MMP24: variants seen among roughly 807,000 people sequenced by gnomAD.
MMP24 encodes the protein matrix metalloproteinase-24.
In MMP24, 25 loss-of-function variants were observed where a neutral mutation model predicts 62.8. The ratio of observed to expected loss-of-function variants is 0.40; its 90% CI spans 0.29 to 0.56. The LOEUF (loss-of-function observed/expected upper bound fraction) is 0.56. Ranked by LOEUF, MMP24 falls within the 20% of genes least tolerant of loss-of-function variation. The pLI, the probability that MMP24 is intolerant of heterozygous loss-of-function variation, is 0.50. For synonymous variants in MMP24, 319 were observed against 350.5 expected, an observed-to-expected ratio of 0.91 and a Z score of 1.00; for missense variants, 634 against 853.6, an observed-to-expected ratio of 0.74 and a Z score of 3.21.
chr20:35,261,233 A>G (rs2060601065), intron 4 of MMP24, among the ~76,000 whole-genome samples: 2 of 152,144 alleles, frequency 1.3e-5, no homozygotes, highest in Admixed American at 6.5e-5. Context: ...AGCCCAGGGG[A>G]GTTGGCTTTC....
chr20:35,274,791 T>C lies in MMP24; in HGVS notation c.*182T>C, dbSNP rs1275482284. Reference sequence around the variant, plus strand: ...GTGGGGCAGGGAATTATGGGGGCTGTGCCCCAGGGTGGGTGTCTGGCACCC... The same window carrying C: ...GTGGGGCAGGGAATTATGGGGGCTGCGCCCCAGGGTGGGTGTCTGGCACCC... On this transcript the variant is annotated 3_prime_UTR_variant, in exon 9 of 9. Coordinates refer to ENST00000246186, the MANE Select transcript of MMP24 (RefSeq NM_006690.4). The surrounding 1 kb of genome is among the most constrained non-coding windows in gnomAD (Gnocchi z 5.1). The C allele has an allele frequency of 1.6e-6, 1 of 622,644 alleles. No individual in the cohort carries two copies. Among genetic ancestry groups the C allele is most frequent in the Non-Finnish European group, 2.8e-6 (1 of 361,468 alleles). 38.6% of individuals were successfully genotyped at this position (622,644 alleles called of 1,614,324 possible). A position where few individuals can be genotyped will look rare whatever the true frequency, so the allele number is the denominator to read the frequency against.
chr20:35,251,295 T>C (rs1249068260), intron 2 of MMP24, among the ~76,000 whole-genome samples: 4 of 151,976 alleles, frequency 2.6e-5, no homozygotes, highest in Non-Finnish European at 5.9e-5. Context: ...ATTTTTTTTT[T>C]TGTATTTTTA....
rs57309455 is a variant in MMP24 at position 35,264,707 on chromosome 20, C to CAAAAAA, written c.979+781_979+786dup. ...TGGGCAACAGGGCGAGACTCCGTCT[C>CAAAAAA]AAAAAAAAAAAAAAAAAAAAAAAAA... On this transcript the variant is annotated intron_variant, in intron 5 of 8. Transcript: ENST00000246186. Among the ~76,000 whole-genome samples the CAAAAAA allele has an allele frequency of 2.1e-3, 93 of 43,520 alleles. 1 individual carries two copies. The highest frequency in any genetic ancestry group is 3.1e-3 in the Non-Finnish European group (68 of 22,146). The allele number at this position is 43,520 out of a possible 152,430, so 28.6% of individuals were successfully genotyped here.
At chr20:35,254,371 A>G (rs1267706883) in intron 3 of MMP24, 79 bp from the exon 4 acceptor site, 10 of 1,329,624 alleles carry the variant, frequency 7.5e-6, no homozygotes, top group Non-Finnish European at 9.4e-6. Flanking sequence ...ACTGAGCCAC[A>G]TTGTCTCAGG....
Position 35,254,682 on chromosome 20 carries a change from G to A in MMP24, c.745G>A (p.Gly249Ser), listed in dbSNP as rs1199193290. The change falls in exon 4 of 9, where the codon GGC becomes AGC. Residue 249 changes from glycine to serine, a missense_variant. By Grantham distance (56) the Gly-to-Ser change is moderately conservative (BLOSUM62 0). This residue lies in a region of MMP24 where 23 missense variants were observed against 63.1 expected (regional missense o/e 0.36). Coordinates refer to ENST00000246186, the MANE Select transcript of MMP24 (RefSeq NM_006690.4). Reference protein sequence around the residue: ...GGFLAHAYFPGPGIGGDTHFD... With the variant: ...GGFLAHAYFPSPGIGGDTHFD... ...ATTCCTGGCCCATGCCTACTTCCCT[G>A]GCCCAGGGATTGGAGGAGACACCCA... 1.2e-6 allele frequency: 2 copies of A among 1,614,094 alleles called. No individual in the cohort carries two copies. The highest frequency in any genetic ancestry group is 1.7e-6 in the Non-Finnish European group (2 of 1,180,050).
At chr20:35,230,989 T>C (rs1243153660) in intron 1 of MMP24, among the ~76,000 whole-genome samples, 1 of 152,152 alleles carries the variant, frequency 6.6e-6, no homozygotes, top group East Asian at 1.9e-4. Context: ...ACAAACAGGA[T>C]CCTATGCTTT....
Position 35,276,446 on chromosome 20 carries a change from G to A in MMP24, c.*1837G>A, listed in dbSNP as rs879172243. 7.5e-6 allele frequency: 3 copies of A among 397,434 alleles called. No homozygotes were observed. In the South Asian group the frequency reaches 4.3e-4, roughly 57 times the overall value. The allele number at this position is 397,434 out of a possible 1,614,324, so 24.6% of individuals were successfully genotyped here. A position where few individuals can be genotyped will look rare whatever the true frequency, so the allele number is the denominator to read the frequency against. On this transcript the variant is annotated 3_prime_UTR_variant, in exon 9 of 9. Coordinates refer to ENST00000246186, the MANE Select transcript of MMP24 (RefSeq NM_006690.4). ...GGAGGCCGACGGTAACTCTCACCGT[G>A]CCCTCAGATGAAGCACAGAGAGGTT... is the stretch of plus-strand genomic sequence containing the variant.
At chr20:35,250,316 T>C (rs1052502005) in intron 2 of MMP24, among the ~76,000 whole-genome samples, 1 of 152,110 alleles carries the variant, frequency 6.6e-6, no homozygotes, top group Admixed American at 6.5e-5. Context: ...TCCCAGCACT[T>C]TGGGAGGCCA....
chr20:35,262,321 G>C (rs999276200), intron 4 of MMP24, among the ~76,000 whole-genome samples: 1 of 152,130 alleles, frequency 6.6e-6, no homozygotes, highest in Non-Finnish European at 1.5e-5. Context: ...GGTGTTTCTC[G>C]AAGAGGGGGA....
intron 5 of MMP24, among the ~76,000 whole-genome samples, chr20:35,265,819 T>C (rs1220833353): frequency 6.6e-6 from 1 of 152,108 alleles, no homozygotes; most frequent in Admixed American, 6.6e-5. Context: ...AGTAGCCATA[T>C]GTGGCTGTGG....
intron 1 of MMP24, among the ~76,000 whole-genome samples, chr20:35,242,309 G>C (rs1375212723): frequency 6.6e-6 from 1 of 151,994 alleles, no homozygotes; most frequent in Non-Finnish European, 1.5e-5. Flanking sequence ...TCCAGCCTGG[G>C]CAACAGAGTG....
In MMP24 at chr20:35,269,823, C is replaced by T; in HGVS notation, c.1258C>T (p.Gln420Ter). The T allele has an allele frequency of 6.4e-7, 1 of 1,563,682 alleles. No individual in the cohort carries two copies. The highest frequency in any genetic ancestry group is 1.4e-5 in the African/African-American group (1 of 73,590). The part of the protein sequence containing the change: ...VQEGYPMQIE[Q>*]FWKGLPARID... The stretch of plus-strand genomic sequence containing the variant: ...GGAGGGCTACCCCATGCAGATCGAG[C>T]AGTTCTGGAAGGGCCTGCCTGCCCG... Residue 420 changes from glutamine to a stop codon, truncating the protein, a stop_gained, in exon 7 of 9, where the codon CAG (glutamine) becomes TAG (stop). Coordinates refer to ENST00000246186, the MANE Select transcript of MMP24 (RefSeq NM_006690.4). LOFTEE classifies it high-confidence loss of function. This position sits in a 1 kb window ranked among gnomAD's most constrained non-coding sequence, Gnocchi z 4.6.
At chr20:35,245,848 C>G (rs1286320540) in intron 1 of MMP24, among the ~76,000 whole-genome samples, 1 of 151,720 alleles carries the variant, frequency 6.6e-6, no homozygotes, top group Non-Finnish European at 1.5e-5. Flanking sequence ...ATATTATGCA[C>G]CCTTATGTCA....
At chr20:35,235,575 G>T (rs2060458973) in intron 1 of MMP24, among the ~76,000 whole-genome samples, 1 of 152,000 alleles carries the variant, frequency 6.6e-6, no homozygotes, top group Non-Finnish European at 1.5e-5. Context: ...GTGGGCACCT[G>T]TAATCCCAGC....
chr20:35,276,879 G>C lies in MMP24; in HGVS notation c.*2270G>C, dbSNP rs1308237032. 6.5e-6 allele frequency: 1 copy of C among 152,866 alleles called. No homozygotes were observed. Among genetic ancestry groups the C allele is most frequent in the African/African-American group, 2.4e-5 (1 of 41,482 alleles). The allele number at this position is 152,866 out of a possible 1,614,324, so 9.5% of individuals were successfully genotyped here. On this transcript the variant is annotated 3_prime_UTR_variant, in exon 9 of 9. Coordinates refer to ENST00000246186, the MANE Select transcript of MMP24 (RefSeq NM_006690.4). ...GAGGGGCAAAGCACTGGGGGCCCCA[G>C]AGCCTAGCTTCCCCTCAGCCTGGGG...
chr20:35,228,455 G>T (rs968880825), intron 1 of MMP24, among the ~76,000 whole-genome samples: 14 of 152,146 alleles, frequency 9.2e-5, no homozygotes, highest in Non-Finnish European at 1.8e-4. Context: ...TTATACCCTA[G>T]AAGAAAGATT....
Position 35,226,784 on chromosome 20 carries a change from CCGCCGCCG to C in MMP24, c.48_55del (p.Pro17AlafsTer76), listed in dbSNP as rs2060414801. 1.3e-6 allele frequency: 1 copy of C among 786,376 alleles called. No homozygotes were observed. Among genetic ancestry groups the C allele is most frequent in the Non-Finnish European group, 1.4e-6 (1 of 717,858 alleles). The allele number at this position is 786,376 out of a possible 1,614,324, so 48.7% of individuals were successfully genotyped here. On this transcript the variant is annotated frameshift_variant, in exon 1 of 9. Transcript: ENST00000246186. LOFTEE classifies it high-confidence loss of function. ...CCGCGCCGCGCCGGGGCCGCCGCCG[CCGCCGCCG>C]CCGCCGGGCCAGGCCCCGCGCTGGA... is the stretch of plus-strand genomic sequence containing the variant.
chr20:35,269,024 C>T lies in MMP24; in HGVS notation c.1195-736C>T, dbSNP rs1220675846. On this transcript the variant is annotated intron_variant, in intron 6 of 8. Coordinates refer to ENST00000246186, the MANE Select transcript of MMP24 (RefSeq NM_006690.4). The surrounding 1 kb of genome is among the most constrained non-coding windows in gnomAD (Gnocchi z 4.6). ...CCTGGGTGACAGAGCGAGACTCCAT[C>T]TAAAAAAAAAAAAAAAGAAAGAAAA... 4.1e-5 allele frequency among the ~76,000 whole-genome samples: 5 copies of T among 121,220 alleles called. No individual in the cohort carries two copies. The East Asian group carries it at 1.2e-3, about 30-fold the overall frequency. The allele number at this position is 121,220 out of a possible 152,430, so 79.5% of individuals were successfully genotyped here. A position where few individuals can be genotyped will look rare whatever the true frequency, so the allele number is the denominator to read the frequency against.
intron 1 of MMP24, among the ~76,000 whole-genome samples, chr20:35,239,076 C>G (rs1472212458): frequency 4.3e-5 from 6 of 140,546 alleles, no homozygotes. Flanking sequence ...TAGACAGAGT[C>G]TTGCTCTGTC....
Sources: gnomAD v4.1 joint callset for allele counts (sites outside exome capture counted in the v4.1 genomes callset) on GRCh38, gnomAD v4.1.1 for gene constraint, gnomAD v4.1.1 regional missense constraint, Gnocchi (gnomAD v3.1) non-coding constraint, MANE v1.5 for transcripts, NCBI Gene and HGNC (gene_info 2026-07-23, HGNC 2026-07-21) for gene names.